ARHGAP26: variants seen among roughly 807,000 people sequenced by gnomAD.
ARHGAP26 encodes the protein Rho GTPase activating protein 26, also known as rho GTPase-activating protein 26.
A neutral mutation model predicts 104.8 loss-of-function variants in ARHGAP26; 38 were observed. That is an observed-to-expected ratio of 0.36 (90% confidence interval 0.28 to 0.48). The LOEUF (loss-of-function observed/expected upper bound fraction) is 0.48. Ranked by LOEUF, ARHGAP26 falls within the 20% of genes least tolerant of loss-of-function variation. The pLI is 0.99. For synonymous variants in ARHGAP26, 341 were observed against 340.0 expected, an observed-to-expected ratio of 1.00 and a Z score of -0.03; for missense variants, 704 against 947.9, an observed-to-expected ratio of 0.74 and a Z score of 3.38.
chr5:142,923,311 C>A (rs1289423399), intron 10 of ARHGAP26, among the ~76,000 whole-genome samples: 1 of 151,482 alleles, frequency 6.6e-6, no homozygotes, highest in Non-Finnish European at 1.5e-5. Flanking sequence ...TTTTTAAAAT[C>A]AAAACCAAAA....
intron 22 of ARHGAP26, among the ~76,000 whole-genome samples, chr5:143,214,583 G>A (rs966214289): frequency 1.3e-5 from 2 of 152,158 alleles, no homozygotes; most frequent in African/African-American, 2.4e-5. Flanking sequence ...ACCTGATTCC[G>A]TGGGTCCTGG....
intron 3 of ARHGAP26, among the ~76,000 whole-genome samples, chr5:142,878,261 C>T (rs568519402): frequency 6.6e-6 from 1 of 152,268 alleles, no homozygotes; most frequent in Admixed American, 6.5e-5. Flanking sequence ...AAAGGAAAAA[C>T]TGTAAAATAT....
chr5:142,847,762 G>A lies in ARHGAP26; in HGVS notation c.155-25638G>A, dbSNP rs1597889273. On this transcript the variant is annotated intron_variant, in intron 1 of 22. Transcript: ENST00000645722. ...TGTTGTATGGGTGGTGGGCAGTGCTGCAGGTGGACTGGCGTGGGCCTGGGA... is the reference window on the plus strand; with the variant it reads ...TGTTGTATGGGTGGTGGGCAGTGCTACAGGTGGACTGGCGTGGGCCTGGGA... 2.0e-5 allele frequency among the ~76,000 whole-genome samples: 3 copies of A among 152,362 alleles called. No individual in the cohort carries two copies. In the South Asian group the frequency reaches 6.2e-4, roughly 32 times the overall value.
chr5:143,186,793 T>G (rs1379433126), intron 20 of ARHGAP26, among the ~76,000 whole-genome samples: 1 of 152,200 alleles, frequency 6.6e-6, no homozygotes, highest in Non-Finnish European at 1.5e-5. Flanking sequence ...GACAGGGCTG[T>G]GCTAAGACAG....
At chr5:142,956,362 G>C (rs1296728150) in intron 11 of ARHGAP26, among the ~76,000 whole-genome samples, 1 of 152,066 alleles carries the variant, frequency 6.6e-6, no homozygotes, top group African/African-American at 2.4e-5. Flanking sequence ...GATCACTTGA[G>C]CCCAGAAATT....
intron 1 of ARHGAP26, among the ~76,000 whole-genome samples, chr5:142,811,743 G>A (rs959075550): frequency 6.6e-6 from 1 of 152,170 alleles, no homozygotes; most frequent in Non-Finnish European, 1.5e-5. Flanking sequence ...AATGCCTGGC[G>A]TGCAGCTATT....
intron 20 of ARHGAP26, among the ~76,000 whole-genome samples, chr5:143,200,815 T>C (rs1807600626): frequency 6.6e-6 from 1 of 152,244 alleles, no homozygotes; most frequent in African/African-American, 2.4e-5. Context: ...ATAGCAGCTC[T>C]ACTACTGTGG....
At chr5:142,942,586 G>GT (rs1766524725) in intron 11 of ARHGAP26, among the ~76,000 whole-genome samples, 1 of 152,140 alleles carries the variant, frequency 6.6e-6, no homozygotes, top group African/African-American at 2.4e-5. Context: ...AAATAAAAAG[G>GT]TTTTTTGTTC....
At chr5:143,047,915 G>C (rs1784442109) in intron 14 of ARHGAP26, among the ~76,000 whole-genome samples, 1 of 151,782 alleles carries the variant, frequency 6.6e-6, no homozygotes. Flanking sequence ...AAGTGTTGCA[G>C]TGAGGTAGGA....
At chr5:142,919,304 A>G in intron 10 of ARHGAP26, 1 of 398,672 alleles carries the variant, frequency 2.5e-6, no homozygotes, top group Non-Finnish European at 4.4e-6. Context: ...AAGCCAATGA[A>G]CACCAAAGGT....
At chr5:142,941,230 G>C (rs1227998872) in intron 11 of ARHGAP26, among the ~76,000 whole-genome samples, 1 of 151,968 alleles carries the variant, frequency 6.6e-6, no homozygotes, top group Non-Finnish European at 1.5e-5. Flanking sequence ...CCCATCTGCA[G>C]TGTAAATTGT....
intron 1 of ARHGAP26, among the ~76,000 whole-genome samples, chr5:142,800,177 A>G (rs2151955602): frequency 6.6e-6 from 1 of 152,312 alleles, no homozygotes; most frequent in East Asian, 1.9e-4. Context: ...GATGAATAAA[A>G]TTTGCACTAC....
In ARHGAP26 at chr5:142,894,172, C is replaced by G. The variant is rs1430052440; in HGVS notation, c.487-66C>G. 2.3e-6 allele frequency: 3 copies of G among 1,327,456 alleles called. No homozygotes were observed. In the Admixed American group the frequency reaches 6.3e-5, roughly 28 times the overall value. 82.2% of individuals were successfully genotyped at this position (1,327,456 alleles called of 1,614,324 possible). A position where few individuals can be genotyped will look rare whatever the true frequency, so the allele number is the denominator to read the frequency against. On this transcript the variant is annotated intron_variant, in intron 5 of 22. Transcript: ENST00000645722. ...TCTCCCGAGATTTTTTTTTTCTGAC[C>G]TGCTTTCGGAATGCTATCCTTGGGT...
chr5:143,035,708 G>A (rs1399367591), intron 12 of ARHGAP26, among the ~76,000 whole-genome samples: 1 of 152,086 alleles, frequency 6.6e-6, no homozygotes, highest in African/African-American at 2.4e-5. Flanking sequence ...GGCCGAGGCG[G>A]GTAGATCACC....
At chr5:142,879,646 A>C (rs963850185) in intron 4 of ARHGAP26, among the ~76,000 whole-genome samples, 1 of 152,238 alleles carries the variant, frequency 6.6e-6, no homozygotes, top group East Asian at 1.9e-4. Flanking sequence ...CTGAGCCGTC[A>C]ACCCCGGAGG....
chr5:142,937,619 A>G (rs1181615407), intron 11 of ARHGAP26, among the ~76,000 whole-genome samples: 2 of 152,218 alleles, frequency 1.3e-5, no homozygotes, highest in East Asian at 3.8e-4. Flanking sequence ...CTTTATTCAT[A>G]ATAGCTTGAA....
At chr5:143,162,323 T>C (rs1801362569) in intron 20 of ARHGAP26, among the ~76,000 whole-genome samples, 1 of 140,488 alleles carries the variant, frequency 7.1e-6, no homozygotes, top group Non-Finnish European at 1.6e-5. Context: ...GCAATCCCCT[T>C]TCCCATTTTT....
chr5:142,810,819 A>C (rs1273573056), intron 1 of ARHGAP26, among the ~76,000 whole-genome samples: 1 of 152,272 alleles, frequency 6.6e-6, no homozygotes, highest in Admixed American at 6.5e-5. Flanking sequence ...CGCCCAAAAT[A>C]GTAAGTAACC....
chr5:142,842,345 T>C (rs1424123837), intron 1 of ARHGAP26, among the ~76,000 whole-genome samples: 1 of 152,226 alleles, frequency 6.6e-6, no homozygotes, highest in African/African-American at 2.4e-5. Context: ...TCTGGGTATG[T>C]AGTCTGTGGG....
Sources: allele counts gnomAD v4.1 joint callset (sites outside exome capture counted in the v4.1 genomes callset), GRCh38; gene constraint gnomAD v4.1.1; transcripts MANE v1.5; gene names NCBI Gene and HGNC (gene_info 2026-07-23, HGNC 2026-07-21).